Variants in ZNF804A observed in about 807,000 individuals in gnomAD.
ZNF804A encodes zinc finger protein 804A.
In ZNF804A, 2 loss-of-function variants were observed where a neutral mutation model predicts 16.5. The observed-to-expected ratio is 0.12, with a 90% CI of 0.05 to 0.38. The LOEUF is 0.38. Among genes scored for constraint, ZNF804A ranks in the 10% least tolerant of loss-of-function variants. The probability of loss-of-function intolerance (pLI) is 0.99; values close to 1 mark genes in which losing one functional copy is unlikely to be tolerated. For synonymous variants in ZNF804A, 534 were observed against 489.6 expected, an observed-to-expected ratio of 1.09 and a Z score of -1.20; for missense variants, 1,473 against 1,390.7, an observed-to-expected ratio of 1.06 and a Z score of -0.94.
chr2:184,883,562 G>A (rs1684841615), intron 2 of ZNF804A, among the ~76,000 whole-genome samples: 1 of 151,854 alleles, frequency 6.6e-6, no homozygotes, highest in East Asian at 1.9e-4. Flanking sequence ...GCAAAAATAA[G>A]AGCTCCAAAC....
In ZNF804A at chr2:184,839,212, A is replaced by T. The variant is rs530152675; in HGVS notation, c.112-27157A>T. ...AACAAATTGCTATAGACATCTATGT[A>T]TGTGTGTATGTAATTTAAACAAATG... is the stretch of plus-strand genomic sequence containing the variant. On this transcript the variant is annotated intron_variant, in intron 1 of 3. Coordinates refer to ENST00000302277, the MANE Select transcript of ZNF804A (RefSeq NM_194250.2). Among the ~76,000 whole-genome samples, 16 of 152,208 alleles carry T rather than the reference A, an allele frequency of 1.1e-4. 1 individual carries two copies. The South Asian group carries it at 3.3e-3, about 32-fold the overall frequency.
At chr2:184,904,016 A>T (rs543393558) in intron 2 of ZNF804A, among the ~76,000 whole-genome samples, 4 of 152,246 alleles carry the variant, frequency 2.6e-5, no homozygotes, top group African/African-American at 9.6e-5. Flanking sequence ...AAATTTATTC[A>T]GTAAACTTGC....
At chr2:184,802,145 T>A (rs1173016942) in intron 1 of ZNF804A, among the ~76,000 whole-genome samples, 1 of 152,176 alleles carries the variant, frequency 6.6e-6, no homozygotes, top group African/African-American at 2.4e-5. Flanking sequence ...TTCAGAATCC[T>A]GTGATTAAAT....
In ZNF804A at chr2:184,937,696, G is replaced by T. The variant is rs765025112; in HGVS notation, c.2300G>T (p.Arg767Ile). 1 of 1,614,038 alleles carries T rather than the reference G, an allele frequency of 6.2e-7. No homozygotes were observed. The highest frequency in any genetic ancestry group is 8.5e-7 in the Non-Finnish European group (1 of 1,179,976). Residue 767 changes from arginine (R) to isoleucine (I), a missense_variant, in exon 4 of 4, where the codon AGA becomes ATA. Coordinates refer to ENST00000302277, the MANE Select transcript of ZNF804A (RefSeq NM_194250.2). ...GYNSVMNESE[R>I]FYRKRRQHSH... ...AATTCTGTCATGAATGAATCAGAAA[G>T]ATTCTATCGAAAACGTAGACAACAT...
At chr2:184,827,395 TA>T (rs1695182832) in intron 1 of ZNF804A, among the ~76,000 whole-genome samples, 1 of 147,918 alleles carries the variant, frequency 6.8e-6, no homozygotes, top group Non-Finnish European at 1.5e-5. Flanking sequence ...CTCATCCATT[TA>T]ATTATTTAAA....
chr2:184,812,803 A>G (rs1694922132), intron 1 of ZNF804A, among the ~76,000 whole-genome samples: 1 of 152,150 alleles, frequency 6.6e-6, no homozygotes, highest in Non-Finnish European at 1.5e-5. Context: ...TCTTGAGGAA[A>G]TACAATTTCT....
intron 2 of ZNF804A, among the ~76,000 whole-genome samples, chr2:184,920,600 T>C (rs900547002): frequency 6.6e-6 from 1 of 152,088 alleles, no homozygotes; most frequent in Non-Finnish European, 1.5e-5. Context: ...CACGAAAAAT[T>C]GGTGAGATAA....
intron 2 of ZNF804A, among the ~76,000 whole-genome samples, chr2:184,876,135 G>T (rs1158536902): frequency 6.6e-6 from 1 of 152,164 alleles, no homozygotes; most frequent in Non-Finnish European, 1.5e-5. Context: ...GTCAGGCCAG[G>T]TTGTTGGAAT....
intron 1 of ZNF804A, among the ~76,000 whole-genome samples, chr2:184,764,426 C>A (rs568577682): frequency 6.6e-6 from 1 of 152,114 alleles, no homozygotes; most frequent in Non-Finnish European, 1.5e-5. Context: ...ATAAACATAT[C>A]ACCTCAATTT....
chr2:184,604,828 T>C (rs1691115815), intron 1 of ZNF804A, among the ~76,000 whole-genome samples: 2 of 152,146 alleles, frequency 1.3e-5, no homozygotes, highest in Admixed American at 6.5e-5. Context: ...TTGCCACATA[T>C]TGCTTGAACT....
At chr2:184,899,450 T>C (rs973400087) in intron 2 of ZNF804A, among the ~76,000 whole-genome samples, 1 of 152,034 alleles carries the variant, frequency 6.6e-6, no homozygotes, top group African/African-American at 2.4e-5. Context: ...CACACTCGTT[T>C]TTCAAAAGTG....
At chr2:184,725,936 A>G (rs963364944) in intron 1 of ZNF804A, among the ~76,000 whole-genome samples, 2 of 151,664 alleles carry the variant, frequency 1.3e-5, no homozygotes, top group Non-Finnish European at 3.0e-5. Context: ...TTCCTGAGAT[A>G]CATTTAAGGT....
At chr2:184,935,138 A>T (rs985639998) in intron 3 of ZNF804A, among the ~76,000 whole-genome samples, 1 of 152,128 alleles carries the variant, frequency 6.6e-6, no homozygotes, top group African/African-American at 2.4e-5. Flanking sequence ...ATTTTAAGTG[A>T]ATTGTCTTTT....
At chr2:184,691,595 G>A (rs2105725593) in intron 1 of ZNF804A, among the ~76,000 whole-genome samples, 1 of 151,676 alleles carries the variant, frequency 6.6e-6, no homozygotes, top group African/African-American at 2.4e-5. Flanking sequence ...AATATCCAAT[G>A]TTCCTGAAAA....
At chr2:184,855,993 T>C (rs564236304) in intron 1 of ZNF804A, among the ~76,000 whole-genome samples, 1 of 152,202 alleles carries the variant, frequency 6.6e-6, no homozygotes, top group Non-Finnish European at 1.5e-5. Flanking sequence ...CTCCAGTTAT[T>C]CATTTACTGA....
rs749862496 is a variant in ZNF804A at position 184,833,206 on chromosome 2, G to A, written c.112-33163G>A. ...TCCCATGCTATATTGTATTGTTCCT[G>A]TCTTACCTTGTACTTCTGTGTTACA... On this transcript the variant is annotated intron_variant, in intron 1 of 3. Coordinates refer to ENST00000302277, the MANE Select transcript of ZNF804A (RefSeq NM_194250.2). 1.7e-4 allele frequency among the ~76,000 whole-genome samples: 26 copies of A among 151,910 alleles called. 1 individual carries two copies. Among genetic ancestry groups the A allele is most frequent in the Non-Finnish European group, 3.2e-4 (22 of 67,890 alleles).
intron 1 of ZNF804A, among the ~76,000 whole-genome samples, chr2:184,644,797 G>C (rs1691847125): frequency 6.6e-6 from 1 of 151,994 alleles, no homozygotes. Context: ...TATCAAAAGA[G>C]ACCATGTTAA....
At chr2:184,756,812 C>T (rs1693965890) in intron 1 of ZNF804A, among the ~76,000 whole-genome samples, 1 of 151,866 alleles carries the variant, frequency 6.6e-6, no homozygotes, top group East Asian at 1.9e-4. Flanking sequence ...CTATTTCTAA[C>T]TTGCTATTTT....
At chr2:184,884,246 G>A (rs1308486193) in intron 2 of ZNF804A, among the ~76,000 whole-genome samples, 2 of 152,036 alleles carry the variant, frequency 1.3e-5, no homozygotes, top group African/African-American at 4.8e-5. Context: ...AGGTAACCAG[G>A]GAGGTGAAAG....
Sources: gnomAD v4.1 joint callset for allele counts (sites outside exome capture counted in the v4.1 genomes callset) on GRCh38, gnomAD v4.1.1 for gene constraint, MANE v1.5 for transcripts, NCBI Gene and HGNC (gene_info 2026-07-23, HGNC 2026-07-21) for gene names.